CEP192: variants seen among roughly 807,000 people sequenced by gnomAD.
CEP192 encodes centrosomal protein of 192 kDa.
In CEP192, 151 loss-of-function variants were observed where a neutral mutation model predicts 271.8. That is an observed-to-expected ratio of 0.56 (90% confidence interval 0.49 to 0.64). The LOEUF (loss-of-function observed/expected upper bound fraction) is 0.64. CEP192 is among the 30% of genes least tolerant of loss of function. The probability of loss-of-function intolerance (pLI) is 0.00; values close to 1 mark genes in which losing one functional copy is unlikely to be tolerated. For missense variants in CEP192, 2,910 were observed against 3,020.5 expected, an observed-to-expected ratio of 0.96 and a Z score of 0.86; for synonymous variants, 995 against 1,076.5, an observed-to-expected ratio of 0.92 and a Z score of 1.48.
At chr18:13,053,702 ATTT>A (rs1326540390) in intron 18 of CEP192, among the ~76,000 whole-genome samples, 1 of 151,880 alleles carries the variant, frequency 6.6e-6, no homozygotes, top group African/African-American at 2.4e-5. Context: ...TTGTTTTTGT[ATTT>A]TTTAGAGACG....
At chr18:13,030,369 C>T in intron 10 of CEP192, 96 bp from the exon 11 acceptor site, 1 of 1,080,386 alleles carries the variant, frequency 9.3e-7, no homozygotes, top group Non-Finnish European at 1.3e-6. Context: ...CTGTTGATAA[C>T]TAAGGTAGTC....
chr18:13,112,856 T>C (rs2040265320), intron 40 of CEP192, among the ~76,000 whole-genome samples: 1 of 152,268 alleles, frequency 6.6e-6, no homozygotes, highest in Non-Finnish European at 1.5e-5. Flanking sequence ...ACTGATTTGT[T>C]GTTAACCTGA....
Position 12,999,814 on chromosome 18 carries a change from A to T in CEP192, c.164+226A>T, listed in dbSNP as rs1181951267. Among the ~76,000 whole-genome samples, 4 of 140,490 alleles carry T rather than the reference A, an allele frequency of 2.8e-5. No homozygotes were observed. The East Asian group carries it at 8.2e-4, about 29-fold the overall frequency. The allele number at this position is 140,490 out of a possible 152,430, so 92.2% of individuals were successfully genotyped here. A position where few individuals can be genotyped will look rare whatever the true frequency, so the allele number is the denominator to read the frequency against. ...TGGGTTTGGGATTTGAGCACCAGTT[A>T]CCTATTTCGGTCTATTTTTTTTTTT... is the stretch of plus-strand genomic sequence containing the variant. On this transcript the variant is annotated intron_variant, in intron 2 of 44. Transcript: ENST00000506447.
rs1167978749 is a variant in CEP192, at chr18:13,100,455, GT to G, written c.6816del (p.Glu2273LysfsTer2). ...AATGACAAAACCGCCTTCCACAAAAGTTGAAATAAGAAACAAGAGTATTACT... is the reference window on the plus strand; with the variant it reads ...AATGACAAAACCGCCTTCCACAAAAGTGAAATAAGAAACAAGAGTATTACT... ...KPMTKPPSTK[V>X]EIRNKSITFP... On this transcript the variant is annotated frameshift_variant, in exon 38 of 45. Coordinates refer to ENST00000506447, the MANE Select transcript of CEP192 (RefSeq NM_032142.4). LOFTEE classifies it high-confidence loss of function. The G allele has an allele frequency of 6.2e-7, 1 of 1,614,064 alleles. No individual in the cohort carries two copies. The highest frequency in any genetic ancestry group is 8.5e-7 in the Non-Finnish European group (1 of 1,179,982).
At chr18:13,087,433 T>A in intron 31 of CEP192, 98 bp from the exon 32 acceptor site, 3 of 909,100 alleles carry the variant, frequency 3.3e-6, no homozygotes, top group Non-Finnish European at 4.9e-6. Context: ...TGCACTTGTG[T>A]CTGTGTCGAA....
At chr18:13,079,825 G>A (rs1252782760) in intron 30 of CEP192, among the ~76,000 whole-genome samples, 3 of 152,176 alleles carry the variant, frequency 2.0e-5, no homozygotes, top group Non-Finnish European at 4.4e-5. Flanking sequence ...CAGGTTTAAG[G>A]AAGGGATCCA....
chr18:13,032,179 G>T (rs1219649942), intron 11 of CEP192, among the ~76,000 whole-genome samples: 1 of 152,158 alleles, frequency 6.6e-6, no homozygotes, highest in Non-Finnish European at 1.5e-5. Context: ...TAGAAATCTA[G>T]ATGTCCCAGT....
At chr18:13,088,664 A>C in intron 32 of CEP192, 1 of 208,064 alleles carries the variant, frequency 4.8e-6, no homozygotes, top group South Asian at 7.5e-5. Context: ...GTGTGGAGGA[A>C]TACGCCTGTT....
In CEP192 at chr18:13,096,846, G is replaced by A. The variant is rs569045124; in HGVS notation, c.6557+539G>A. Reference sequence around the variant, plus strand: ...GGACAGAAGGAAGTCTTTTGGGGCCGGCCATTTATACACAGCTGCCTGCCC... The same window carrying A: ...GGACAGAAGGAAGTCTTTTGGGGCCAGCCATTTATACACAGCTGCCTGCCC... On this transcript the variant is annotated intron_variant, in intron 36 of 44. Coordinates refer to ENST00000506447, the MANE Select transcript of CEP192 (RefSeq NM_032142.4). Among the ~76,000 whole-genome samples the A allele has an allele frequency of 7.9e-5, 12 of 152,208 alleles. No homozygotes were observed. The East Asian group carries it at 9.6e-4, about 12-fold the overall frequency.
At position 13,115,220 on chromosome 18, in the gene CEP192, C is replaced by A. The variant is rs181986305; in HGVS notation, c.7289+969C>A. On this transcript the variant is annotated intron_variant, in intron 42 of 44. Transcript: ENST00000506447. ...CTGAGCCCCGCGCCTCCACAGCTCCCTTCTGGAGACACAGCCTCGCCAACC... is the reference window on the plus strand; with the variant it reads ...CTGAGCCCCGCGCCTCCACAGCTCCATTCTGGAGACACAGCCTCGCCAACC... Among the ~76,000 whole-genome samples, 630 of 152,354 alleles carry A rather than the reference C, an allele frequency of 4.1e-3. 1 individual carries two copies. Among genetic ancestry groups the A allele is most frequent in the Admixed American group, 7.0e-3 (107 of 15,306 alleles).
chr18:13,022,866 A>G (rs2143306503), intron 9 of CEP192, among the ~76,000 whole-genome samples: 1 of 152,194 alleles, frequency 6.6e-6, no homozygotes, highest in East Asian at 1.9e-4. Flanking sequence ...TCTTTCTCAG[A>G]GTTTTGTAGT....
chr18:13,019,461 AT>A (rs1380054349), intron 9 of CEP192, among the ~76,000 whole-genome samples: 2 of 152,194 alleles, frequency 1.3e-5, no homozygotes, highest in African/African-American at 4.8e-5. Flanking sequence ...GTGTCCAGTC[AT>A]TACATGAAAA....
intron 33 of CEP192, among the ~76,000 whole-genome samples, chr18:13,091,039 A>T (rs2039124082): frequency 6.6e-6 from 1 of 152,180 alleles, no homozygotes; most frequent in African/African-American, 2.4e-5. Flanking sequence ...GGGCTTACAG[A>T]CTCAGGGGAA....
intron 9 of CEP192, 68 bp downstream of exon 9, chr18:13,019,274 T>C: frequency 7.8e-7 from 1 of 1,286,132 alleles, no homozygotes; most frequent in Non-Finnish European, 1.0e-6. Context: ...GTTTATATGA[T>C]ATCAGTTTTT....
intron 1 of CEP192, among the ~76,000 whole-genome samples, chr18:12,996,676 C>G (rs1368790372): frequency 6.6e-6 from 1 of 152,148 alleles, no homozygotes; most frequent in Non-Finnish European, 1.5e-5. Flanking sequence ...GAAGGGAAAG[C>G]AGCAGCTTGG....
chr18:13,107,412 C>T (rs1361294895), intron 40 of CEP192, among the ~76,000 whole-genome samples: 1 of 152,176 alleles, frequency 6.6e-6, no homozygotes, highest in Non-Finnish European at 1.5e-5. Context: ...AATCCACAAC[C>T]TCATACTAAA....
In CEP192 at chr18:13,068,904, C is replaced by A; in HGVS notation, c.4875C>A (p.Asp1625Glu). 6.2e-7 allele frequency: 1 copy of A among 1,614,148 alleles called. No individual in the cohort carries two copies. The highest frequency in any genetic ancestry group is 8.5e-7 in the Non-Finnish European group (1 of 1,180,006). ...EFSAKVDIEV[D>E]SPNPTPVLRS... ...CGGCAAAAGTTGATATCGAAGTTGACAGCCCAAACCCTACGCCCGTTCTTA... is the reference window on the plus strand; with the variant it reads ...CGGCAAAAGTTGATATCGAAGTTGAAAGCCCAAACCCTACGCCCGTTCTTA... Residue 1625 changes from aspartate to glutamate, a missense_variant, in exon 25 of 45, where the codon GAC becomes GAA. Asp to Glu is a conservative substitution (Grantham distance 45). Transcript: ENST00000506447.
At chr18:13,090,748 A>G (rs546712167) in intron 33 of CEP192, among the ~76,000 whole-genome samples, 2 of 152,320 alleles carry the variant, frequency 1.3e-5, no homozygotes, top group South Asian at 2.1e-4. Flanking sequence ...CTGAAGACCC[A>G]TCTGTCCCAC....
At chr18:13,056,743 C>A in intron 19 of CEP192, 45 bp downstream of exon 19, 1 of 1,424,460 alleles carries the variant, frequency 7.0e-7, no homozygotes, top group Non-Finnish European at 9.5e-7. Context: ...ATTATTTTCT[C>A]AAATGACACC....
Sources: allele counts gnomAD v4.1 joint callset (sites outside exome capture counted in the v4.1 genomes callset), GRCh38; gene constraint gnomAD v4.1.1; transcripts MANE v1.5; gene names NCBI Gene and HGNC (gene_info 2026-07-23, HGNC 2026-07-21).